The following GTF2H3 variants were observed in gnomAD, a reference collection of about 807,000 sequenced individuals.
GTF2H3 encodes the protein TFIIH basal transcription factor complex p34 subunit.
Under a neutral mutation model 51.1 loss-of-function variants are expected in GTF2H3, and 42 were observed. That is an observed-to-expected ratio of 0.82 (90% confidence interval 0.64 to 1.06). GTF2H3 has a LOEUF of 1.06. GTF2H3 is among the 50% of genes least tolerant of loss of function. The probability of loss-of-function intolerance (pLI) is 0.00; values close to 1 mark genes in which losing one functional copy is unlikely to be tolerated. For missense variants in GTF2H3, 326 were observed against 366.1 expected (o/e 0.89, Z 0.89); for synonymous variants, 123 against 123.8 (o/e 0.99, Z 0.04).
intron 7 of GTF2H3, among the ~76,000 whole-genome samples, chr12:123,653,108 A>G (rs1955539739): frequency 1.3e-5 from 2 of 152,158 alleles, no homozygotes; most frequent in African/African-American, 4.8e-5. Flanking sequence ...AAGAAAAAAA[A>G]AAGAAAACAT....
In GTF2H3 at chr12:123,633,889, G is replaced by A. The variant is rs1332948341; in HGVS notation, c.13+17G>A. 6.2e-7 allele frequency: 1 copy of A among 1,613,244 alleles called. No homozygotes were observed. Reference sequence around the variant, plus strand: ...TTTCAGACGGTGAGGACCCTGCAGGGCGGGACTTCGACTCCGGGGCTCGGC... The same window carrying A: ...TTTCAGACGGTGAGGACCCTGCAGGACGGGACTTCGACTCCGGGGCTCGGC... On this transcript the variant is annotated intron_variant, in intron 1 of 12. Transcript: ENST00000543341.
chr12:123,645,841 A>G (rs10846535), intron 3 of GTF2H3, among the ~76,000 whole-genome samples: 75,418 of 152,028 alleles, frequency 0.5, 20,547 homozygotes, highest in African/African-American at 0.72. Context: ...ATCAAATCGG[A>G]CAGCTACTTT....
intron 2 of GTF2H3, among the ~76,000 whole-genome samples, chr12:123,642,689 T>C (rs1041069520): frequency 6.6e-6 from 1 of 152,174 alleles, no homozygotes; most frequent in Non-Finnish European, 1.5e-5. Flanking sequence ...TTCCACCCCT[T>C]CCCCATGTTC....
intron 9 of GTF2H3, among the ~76,000 whole-genome samples, chr12:123,658,036 A>G (rs1232537715): frequency 2.6e-5 from 4 of 152,146 alleles, no homozygotes; most frequent in Non-Finnish European, 4.4e-5. Flanking sequence ...AAGAGGACCA[A>G]ATTCAAAAGA....
chr12:123,650,952 A>G (rs766517935), intron 4 of GTF2H3, 42 bp from the exon 5 acceptor site: 2 of 1,354,424 alleles, frequency 1.5e-6, no homozygotes, highest in Non-Finnish European at 2.1e-6. Context: ...AGTTCAAGAA[A>G]GTACTTAAAA....
chr12:123,644,294 T>C (rs931708177), intron 2 of GTF2H3, among the ~76,000 whole-genome samples: 1 of 152,170 alleles, frequency 6.6e-6, no homozygotes, highest in African/African-American at 2.4e-5. Flanking sequence ...TACTGACTTA[T>C]GTTTCTTAAT....
At chr12:123,645,606 A>G (rs377205247) in intron 3 of GTF2H3, 45 bp downstream of exon 3, 1 of 992,330 alleles carries the variant, frequency 1.0e-6, no homozygotes, top group Admixed American at 1.8e-5. Context: ...CTTAATATTC[A>G]TGAGTTTTCT....
At chr12:123,649,269 C>G (rs1389586279) in intron 4 of GTF2H3, 1 of 152,304 alleles carries the variant, frequency 6.6e-6, no homozygotes, top group East Asian at 1.9e-4. Context: ...CACCCAGGCC[C>G]CATCCCTTAT....
intron 1 of GTF2H3, among the ~76,000 whole-genome samples, chr12:123,636,858 G>A (rs563196713): frequency 3.9e-5 from 6 of 152,168 alleles, no homozygotes; most frequent in Middle Eastern, 3.4e-3. Context: ...CGGAGGTTGC[G>A]GTGAGCCGAG....
rs6488889 is a variant in GTF2H3, at chr12:123,660,246, T to C, written c.*11T>C. ...AAAGTGTCTGCCTGAGGATAAAATA[T>C]TTTCCCCATCTTTTAGAGCTGTTAA... On this transcript the variant is annotated 3_prime_UTR_variant, in exon 13 of 13. Transcript: ENST00000543341. The C allele has an allele frequency of 0.039, 61,859 of 1,590,750 alleles. 6,113 individuals are homozygous for C. Among genetic ancestry groups the C allele is most frequent in the African/African-American group, 0.38 (27,848 of 73,666 alleles).
intron 9 of GTF2H3, among the ~76,000 whole-genome samples, chr12:123,656,550 T>C (rs1459545253): frequency 6.6e-6 from 1 of 152,188 alleles, no homozygotes; most frequent in African/African-American, 2.4e-5. Flanking sequence ...AGTTCCAGAC[T>C]TGCAGAATCA....
rs1955497550 is a variant in GTF2H3 at position 123,649,794 on chromosome 12, T to G, written c.365-1200T>G. On this transcript the variant is annotated intron_variant, in intron 4 of 12. Coordinates refer to ENST00000543341, the MANE Select transcript of GTF2H3 (RefSeq NM_001516.5). ...AATGATCTTTTAGGGTAATGGAGAC[T>G]GTTCTAAAATTGGATTGTGATGATG... 2 of 152,244 alleles carry G rather than the reference T, an allele frequency of 1.3e-5. 1 individual carries two copies. Among genetic ancestry groups the G allele is most frequent in the South Asian group, 4.1e-4 (2 of 4,836 alleles). The allele number at this position is 152,244 out of a possible 1,614,324, so 9.4% of individuals were successfully genotyped here.
intron 5 of GTF2H3, among the ~76,000 whole-genome samples, chr12:123,652,085 T>C (rs777915693): frequency 1.1e-3 from 168 of 152,346 alleles, no homozygotes; most frequent in Non-Finnish European, 1.8e-3. Context: ...AACGGGTTGT[T>C]TTGCATAGGG....
Position 123,659,560 on chromosome 12 carries a change from G to A in GTF2H3, c.660G>A (p.Met220Ile). The change falls in exon 10 of 13, where the codon ATG becomes ATA. Residue 220 changes from methionine to isoleucine, a missense_variant. Physicochemically the swap from Met to Ile is conservative, Grantham distance 10. Coordinates refer to ENST00000543341, the MANE Select transcript of GTF2H3 (RefSeq NM_001516.5). ...TGGLYLKVPQ[M>I]PSLLQYLLWV... ...GACTGTACCTGAAGGTGCCTCAGATGCCTTCTCTTCTGCAGTATTTGCTGG... is the reference window on the plus strand; with the variant it reads ...GACTGTACCTGAAGGTGCCTCAGATACCTTCTCTTCTGCAGTATTTGCTGG... The A allele has an allele frequency of 3.1e-6, 5 of 1,614,020 alleles. No homozygotes were observed. The highest frequency in any genetic ancestry group is 4.2e-6 in the Non-Finnish European group (5 of 1,179,982).
chr12:123,657,815 A>C (rs1308292480), intron 9 of GTF2H3, among the ~76,000 whole-genome samples: 1 of 152,224 alleles, frequency 6.6e-6, no homozygotes, highest in African/African-American at 2.4e-5. Context: ...CTATCAGAGG[A>C]GCCTCAGGGT....
chr12:123,655,014 G>A lies in GTF2H3; in HGVS notation c.561+16G>A, dbSNP rs1955569497. Reference sequence around the variant, plus strand: ...ACAGAAACAGGTGAACTGAGAGCCTGCCGTTTAAAGTATTTGTTTCATAAC... The same window carrying A: ...ACAGAAACAGGTGAACTGAGAGCCTACCGTTTAAAGTATTTGTTTCATAAC... On this transcript the variant is annotated intron_variant, in intron 8 of 12. Coordinates refer to ENST00000543341, the MANE Select transcript of GTF2H3 (RefSeq NM_001516.5). 1 of 1,593,164 alleles carries A rather than the reference G, an allele frequency of 6.3e-7. No individual in the cohort carries two copies. Among genetic ancestry groups the A allele is most frequent in the Middle Eastern group, 1.7e-4 (1 of 6,030 alleles).
rs371762922 is a variant in GTF2H3 at position 123,637,139 on chromosome 12, C to G, written c.14-2125C>G. ...CCTGGGCCTTTCATAACAGTGTATA[C>G]TCACAGGTTTGTATGTCTGTCTGTC... On this transcript the variant is annotated intron_variant, in intron 1 of 12. Transcript: ENST00000543341. Among the ~76,000 whole-genome samples the G allele has an allele frequency of 3.9e-5, 6 of 152,228 alleles. No individual in the cohort carries two copies. The South Asian group carries it at 1.2e-3, about 32-fold the overall frequency.
At chr12:123,638,054 TTGGCAGGAACA>T (rs1489711297) in intron 1 of GTF2H3, among the ~76,000 whole-genome samples, 1 of 151,476 alleles carries the variant, frequency 6.6e-6, no homozygotes, top group Non-Finnish European at 1.5e-5. Context: ...CTGGAGTGCA[TTGGCAGGAACA>T]TGGCTCACTG....
Position 123,660,396 on chromosome 12 carries a change from T to C in GTF2H3, c.*161T>C. ...AAACATCCTTTTCATCCTGTGCTTC[T>C]GGAGGACTGATTTGTTTGAGGGAAT... On this transcript the variant is annotated 3_prime_UTR_variant, in exon 13 of 13. Coordinates refer to ENST00000543341, the MANE Select transcript of GTF2H3 (RefSeq NM_001516.5). 1 of 559,052 alleles carries C rather than the reference T, an allele frequency of 1.8e-6. No homozygotes were observed. Among genetic ancestry groups the C allele is most frequent in the South Asian group, 2.6e-5 (1 of 37,974 alleles). The allele number at this position is 559,052 out of a possible 1,614,324, so 34.6% of individuals were successfully genotyped here. A position where few individuals can be genotyped will look rare whatever the true frequency, so the allele number is the denominator to read the frequency against.
Sources: allele counts gnomAD v4.1 joint callset (sites outside exome capture counted in the v4.1 genomes callset), GRCh38; gene constraint gnomAD v4.1.1; transcripts MANE v1.5; gene names NCBI Gene and HGNC (gene_info 2026-07-23, HGNC 2026-07-21).